The following FOXP2 variants were observed in gnomAD, a reference collection of about 807,000 sequenced individuals.
FOXP2 encodes the protein forkhead box P2.
In FOXP2, 12 loss-of-function variants were observed where a neutral mutation model predicts 115.8. That is an observed-to-expected ratio of 0.10 (90% CI 0.07 to 0.17). The LOEUF is 0.17. FOXP2 is among the 10% of genes least tolerant of loss of function. FOXP2 has a pLI of 1.00. For synonymous variants in FOXP2, 328 were observed against 297.7 expected, an observed-to-expected ratio of 1.10 and a Z score of -1.05; for missense variants, 629 against 843.5, an observed-to-expected ratio of 0.75 and a Z score of 3.15.
chr7:114,538,382 A>G (rs1799496464), intron 3 of FOXP2: 1 of 1,301,734 alleles, frequency 7.7e-7, no homozygotes, highest in Non-Finnish European at 1.0e-6. Flanking sequence ...CGTAAATTTA[A>G]GGTAAATGCC....
At chr7:114,376,876 G>A (rs73434106) in intron 2 of FOXP2, among the ~76,000 whole-genome samples, 2,545 of 152,270 alleles carry the variant, frequency 0.017, 71 homozygotes, top group African/African-American at 0.057. Flanking sequence ...AGGTGAGGTG[G>A]AGTCAAATTA....
At chr7:114,510,962 C>A (rs965288862) in intron 2 of FOXP2, among the ~76,000 whole-genome samples, 2 of 152,118 alleles carry the variant, frequency 1.3e-5, no homozygotes, top group African/African-American at 2.4e-5. Context: ...ACCCAAATGC[C>A]CATCAATGAT....
At chr7:114,164,663 A>C (rs188540334) in intron 1 of FOXP2, among the ~76,000 whole-genome samples, 1 of 152,150 alleles carries the variant, frequency 6.6e-6, no homozygotes, top group African/African-American at 2.4e-5. Context: ...AAATCATTGA[A>C]CTAGATAGAA....
chr7:114,349,339 G>C (rs1417355007), intron 2 of FOXP2, among the ~76,000 whole-genome samples: 1 of 152,032 alleles, frequency 6.6e-6, no homozygotes, highest in Non-Finnish European at 1.5e-5. Flanking sequence ...GATACTATGA[G>C]ATAGGAATGA....
chr7:114,292,940 C>A (rs779046492), intron 2 of FOXP2, among the ~76,000 whole-genome samples: 1 of 152,134 alleles, frequency 6.6e-6, no homozygotes, highest in East Asian at 1.9e-4. Flanking sequence ...GTTATTCATT[C>A]GTATATTGGC....
chr7:114,589,615 A>T (rs762734130), intron 3 of FOXP2, among the ~76,000 whole-genome samples: 37 of 152,170 alleles, frequency 2.4e-4, no homozygotes, highest in Non-Finnish European at 4.6e-4. Flanking sequence ...CACTTCTCAG[A>T]CTTTATCCTG....
intron 3 of FOXP2, among the ~76,000 whole-genome samples, chr7:114,625,694 A>G (rs1804529022): frequency 1.3e-5 from 2 of 151,820 alleles, no homozygotes; most frequent in South Asian, 2.1e-4. Context: ...AAGGCTATGC[A>G]TTTCTCAAAT....
Position 114,691,755 on chromosome 7 carries a change from C to T in FOXP2, c.*1829C>T, listed in dbSNP as rs1808677741. ...CTAGAGCTTAACATACGTTCCCGTT[C>T]CATGTGATGGAACCGGTTCTTGCAA... On this transcript the variant is annotated 3_prime_UTR_variant, in exon 17 of 17. Coordinates refer to ENST00000350908, the MANE Select transcript of FOXP2 (RefSeq NM_014491.4). 1 of 453,640 alleles carries T rather than the reference C, an allele frequency of 2.2e-6. No homozygotes were observed. The highest frequency in any genetic ancestry group is 2.4e-5 in the Admixed American group (1 of 42,468). 28.1% of individuals were successfully genotyped at this position (453,640 alleles called of 1,614,324 possible).
Position 114,690,015 on chromosome 7 carries a change from T to A in FOXP2, c.*89T>A. ...CCATGAATATTTGACAAATTTTTAC[T>A]GTGACTATTTATTAAGCATGGATAA... is the stretch of plus-strand genomic sequence containing the variant. On this transcript the variant is annotated 3_prime_UTR_variant, in exon 17 of 17. Transcript: ENST00000350908. The A allele has an allele frequency of 6.7e-7, 1 of 1,499,150 alleles. No individual in the cohort carries two copies. The highest frequency in any genetic ancestry group is 1.1e-5 in the South Asian group (1 of 88,184). The allele number at this position is 1,499,150 out of a possible 1,614,324, so 92.9% of individuals were successfully genotyped here.
intron 1 of FOXP2, among the ~76,000 whole-genome samples, chr7:114,266,388 T>A (rs1020594626): frequency 6.6e-6 from 1 of 152,196 alleles, no homozygotes; most frequent in African/African-American, 2.4e-5. Flanking sequence ...CTTATTGTTC[T>A]GCAGACTGTA....
intron 2 of FOXP2, among the ~76,000 whole-genome samples, chr7:114,462,470 C>T (rs1795617727): frequency 6.9e-6 from 1 of 144,470 alleles, no homozygotes; most frequent in African/African-American, 2.5e-5. Context: ...CTCCCGAGTT[C>T]AAGCGATTCT....
At chr7:114,652,152 A>C in intron 8 of FOXP2, 51 bp from the exon 9 acceptor site, 1 of 1,551,922 alleles carries the variant, frequency 6.4e-7, no homozygotes, top group Non-Finnish European at 8.9e-7. Flanking sequence ...AGCCTATGCC[A>C]CTAAGATCGA....
intron 1 of FOXP2, among the ~76,000 whole-genome samples, chr7:114,286,116 G>T (rs181867468): frequency 6.6e-6 from 1 of 151,630 alleles, no homozygotes; most frequent in Admixed American, 6.6e-5. Flanking sequence ...CTTTCTGCCC[G>T]ATTCTTAGAT....
At chr7:114,566,270 C>T (rs1446125707) in intron 3 of FOXP2, among the ~76,000 whole-genome samples, 1 of 152,008 alleles carries the variant, frequency 6.6e-6, no homozygotes, top group Admixed American at 6.6e-5. Flanking sequence ...TTCATTTTTT[C>T]ACTTTTAAAA....
intron 2 of FOXP2, among the ~76,000 whole-genome samples, chr7:114,525,941 A>C (rs887708598): frequency 9.9e-5 from 15 of 151,930 alleles, no homozygotes; most frequent in African/African-American, 3.6e-4. Flanking sequence ...TTGAAATCCC[A>C]TCTCTACTAA....
At chr7:114,244,740 G>A (rs998072342) in intron 1 of FOXP2, among the ~76,000 whole-genome samples, 3 of 151,734 alleles carry the variant, frequency 2.0e-5, no homozygotes, top group African/African-American at 7.3e-5. Flanking sequence ...GTTTCTGTTA[G>A]TTTTTCCTTG....
At chr7:114,215,625 A>G (rs1794467226) in intron 1 of FOXP2, among the ~76,000 whole-genome samples, 1 of 151,598 alleles carries the variant, frequency 6.6e-6, no homozygotes, top group African/African-American at 2.4e-5. Context: ...CCATTAGTAC[A>G]GTGTGTACTT....
At chr7:114,377,521 G>A (rs1792171787) in intron 2 of FOXP2, among the ~76,000 whole-genome samples, 1 of 152,188 alleles carries the variant, frequency 6.6e-6, no homozygotes, top group South Asian at 2.1e-4. Flanking sequence ...TTTAGCATTA[G>A]TGCTATTAGA....
chr7:114,325,544 A>G (rs1314074279), intron 2 of FOXP2, among the ~76,000 whole-genome samples: 1 of 151,932 alleles, frequency 6.6e-6, no homozygotes, highest in African/African-American at 2.4e-5. Flanking sequence ...TTTTCTCAGT[A>G]TATATCTGTA....
Sources: allele counts gnomAD v4.1 joint callset (sites outside exome capture counted in the v4.1 genomes callset), GRCh38; gene constraint gnomAD v4.1.1; transcripts MANE v1.5; gene names NCBI Gene and HGNC (gene_info 2026-07-23, HGNC 2026-07-21).